The following OLFM1 variants were observed in gnomAD, a reference collection of about 807,000 sequenced individuals.
The protein encoded by OLFM1 is olfactomedin 1.
A neutral mutation model predicts 49.7 loss-of-function variants in OLFM1; 9 were observed. The ratio of observed to expected loss-of-function variants is 0.18; its 90% CI spans 0.11 to 0.32. The LOEUF is 0.32. OLFM1 is among the 10% of genes least tolerant of loss of function. OLFM1 has a pLI of 1.00. For missense variants in OLFM1, 369 were observed against 661.8 expected (o/e 0.56, Z 4.85); for synonymous variants, 240 against 271.8 (o/e 0.88, Z 1.15).
rs1048845738 is a variant in OLFM1, at chr9:135,080,505, G to A, written c.96+4703G>A. 1.3e-5 allele frequency among the ~76,000 whole-genome samples: 2 copies of A among 152,088 alleles called. No individual in the cohort carries two copies. Among genetic ancestry groups the A allele is most frequent in the South Asian group, 2.1e-4 (1 of 4,820 alleles). On this transcript the variant is annotated intron_variant, in intron 1 of 5. Coordinates refer to the OLFM1 transcript ENST00000252854. The surrounding 1 kb of genome is among the most constrained non-coding windows in gnomAD (Gnocchi z 4.5). ...GGGCACCCTCCCCTTTCCCATTCCC[G>A]GGCTGCCTCCCCTGGTGGAGAGGCT...
chr9:135,097,305 G>C (rs1036871703), intron 3 of OLFM1, among the ~76,000 whole-genome samples: 2 of 152,206 alleles, frequency 1.3e-5, no homozygotes, highest in African/African-American at 2.4e-5. Flanking sequence ...GCTCATCAGA[G>C]GCAGTTGGAC....
upstream of OLFM1, among the ~76,000 whole-genome samples, chr9:135,083,188 A>G (rs1012080403): frequency 6.6e-6 from 1 of 152,148 alleles, no homozygotes; most frequent in African/African-American, 2.4e-5. Context: ...AAAAACGTGC[A>G]TTCAGCCCAG....
At chr9:135,087,610 C>CGCCCGGCCGA, upstream of OLFM1, 1 of 752,522 alleles carries the variant, frequency 1.3e-6, no homozygotes, top group Non-Finnish European at 1.8e-6. Flanking sequence ...GCGTCGGTCC[C>CGCCCGGCCGA]GCCCGGCCGA....
chr9:135,111,585 G>T (rs779729973), intron 5 of OLFM1, among the ~76,000 whole-genome samples: 1 of 152,182 alleles, frequency 6.6e-6, no homozygotes, highest in African/African-American at 2.4e-5. Context: ...GACATCAGAT[G>T]TCACCAGTGA....
chr9:135,097,349 A>G (rs1301564535), intron 3 of OLFM1, among the ~76,000 whole-genome samples: 2 of 152,184 alleles, frequency 1.3e-5, no homozygotes, highest in Non-Finnish European at 2.9e-5. Context: ...GTCATCATGA[A>G]TTACTCTGGA....
chr9:135,091,540 CACAT>C (rs1830688893), intron 2 of OLFM1, among the ~76,000 whole-genome samples: 2 of 135,626 alleles, frequency 1.5e-5, no homozygotes, highest in Non-Finnish European at 3.2e-5. Flanking sequence ...CAGTCACACT[CACAT>C]AGTCACACAC....
In OLFM1 at chr9:135,098,833, T is replaced by C. The variant is rs1344356554; in HGVS notation, c.676+328T>C. ...GTGTGCATTGAAGACACCAGTTTAA[T>C]AGGGCTGGCAATAACATCTCAGATT... On this transcript the variant is annotated intron_variant, in intron 4 of 5. Coordinates refer to ENST00000371793, the MANE Select transcript of OLFM1 (RefSeq NM_001282611.2). The surrounding 1 kb of genome is among the most constrained non-coding windows in gnomAD (Gnocchi z 5.6). 1.3e-5 allele frequency among the ~76,000 whole-genome samples: 2 copies of C among 152,204 alleles called. No individual in the cohort carries two copies. The highest frequency in any genetic ancestry group is 4.8e-5 in the African/African-American group (2 of 41,448).
intron 2 of OLFM1, among the ~76,000 whole-genome samples, chr9:135,091,816 G>GTC (rs1375143218): frequency 1.3e-5 from 1 of 74,360 alleles, no homozygotes; most frequent in East Asian, 3.6e-4. Context: ...CACTCACATA[G>GTC]TCACACACAC....
chr9:135,090,425 C>T (rs895803383), intron 2 of OLFM1, 81 bp downstream of exon 2: 3 of 1,411,870 alleles, frequency 2.1e-6, no homozygotes, highest in African/African-American at 1.4e-5. Flanking sequence ...TGTGTGCTCA[C>T]ACCAGCACCA....
chr9:135,111,794 C>T (rs1831026633), intron 5 of OLFM1, among the ~76,000 whole-genome samples: 1 of 152,198 alleles, frequency 6.6e-6, no homozygotes, highest in Admixed American at 6.5e-5. Context: ...ACTGCAACCT[C>T]CGCCTCCCGA....
Position 135,106,837 on chromosome 9 carries a change from C to T in OLFM1, c.765C>T (p.Ala255=). The T allele has an allele frequency of 1.2e-6, 2 of 1,611,138 alleles. No homozygotes were observed. The highest frequency in any genetic ancestry group is 8.5e-7 in the Non-Finnish European group (1 of 1,178,814). ...RFGSWMTDPL[A]PEGDNRVWYM... ...GATCCTGGATGACAGACCCTCTCGC[C>T]CCTGAAGGCGATAACCGGGTGAGTG... Residue 255 remains alanine (A), a synonymous_variant, in exon 5 of 6, where the codon GCC becomes GCT. Transcript: ENST00000371793.
At chr9:135,102,689 A>G (rs1830887049) in intron 4 of OLFM1, among the ~76,000 whole-genome samples, 1 of 152,104 alleles carries the variant, frequency 6.6e-6, no homozygotes, top group Admixed American at 6.5e-5. Context: ...CATTTTGGAC[A>G]TCGGTTTGTC....
In OLFM1 at chr9:135,120,952, T is replaced by C. The variant is rs1161716479; in HGVS notation, c.*774T>C. ...ATCAGTGTTCACCCTTATAGAGACA[T>C]AGTCAAGTTCATGTTGATAATAATC... On this transcript the variant is annotated 3_prime_UTR_variant, in exon 6 of 6. Transcript: ENST00000371793. 6.6e-6 allele frequency: 1 copy of C among 152,578 alleles called. No individual in the cohort carries two copies. Among genetic ancestry groups the C allele is most frequent in the Non-Finnish European group, 1.5e-5 (1 of 68,032 alleles). The allele number at this position is 152,578 out of a possible 1,614,324, so 9.5% of individuals were successfully genotyped here. A position where few individuals can be genotyped will look rare whatever the true frequency, so the allele number is the denominator to read the frequency against.
rs531305875 is a variant in OLFM1 at position 135,110,022 on chromosome 9, C to T, written c.783+3167C>T. Among the ~76,000 whole-genome samples the T allele has an allele frequency of 1.2e-4, 19 of 152,310 alleles. 1 individual carries two copies. The South Asian group carries it at 3.7e-3, about 30-fold the overall frequency. ...TCCGGCCTGTGCTGAGCACTGAGAGCCCCCAAGTTCTTCTCAGCAGGAAGC... is the reference window on the plus strand; with the variant it reads ...TCCGGCCTGTGCTGAGCACTGAGAGTCCCCAAGTTCTTCTCAGCAGGAAGC... On this transcript the variant is annotated intron_variant, in intron 5 of 5. Coordinates refer to ENST00000371793, the MANE Select transcript of OLFM1 (RefSeq NM_001282611.2).
intron 5 of OLFM1, among the ~76,000 whole-genome samples, chr9:135,112,794 G>A (rs1226709334): frequency 6.6e-6 from 1 of 152,184 alleles, no homozygotes; most frequent in East Asian, 1.9e-4. Context: ...GGGCACAGAC[G>A]GACCACCACA....
At chr9:135,076,026 G>C in intron 1 of OLFM1, 1 of 1,448,492 alleles carries the variant, frequency 6.9e-7, no homozygotes, top group Non-Finnish European at 9.1e-7. Context: ...CCCCGGCTCA[G>C]CAGAGCTGAC....
At chr9:135,093,239 G>T (rs943553725) in intron 2 of OLFM1, among the ~76,000 whole-genome samples, 4 of 152,180 alleles carry the variant, frequency 2.6e-5, no homozygotes, top group African/African-American at 9.7e-5. Flanking sequence ...AGCTAGGGTC[G>T]AGCACTGTAG....
chr9:135,106,958 C>G (rs1830953465), intron 5 of OLFM1, 103 bp downstream of exon 5: 1 of 930,752 alleles, frequency 1.1e-6, no homozygotes, highest in South Asian at 1.6e-5. Flanking sequence ...CCTCCAGGGC[C>G]TATGGACTGG....
upstream of OLFM1, chr9:135,087,331 C>A: frequency 6.5e-7 from 1 of 1,536,786 alleles, no homozygotes; most frequent in Non-Finnish European, 8.7e-7. Context: ...TGCCCCAAAG[C>A]GGACCCTCTG....
Sources: allele counts gnomAD v4.1 joint callset (sites outside exome capture counted in the v4.1 genomes callset), GRCh38; gene constraint gnomAD v4.1.1; non-coding constraint Gnocchi (gnomAD v3.1); transcripts MANE v1.5; gene names NCBI Gene and HGNC (gene_info 2026-07-23, HGNC 2026-07-21).